Variants in FERMT1 observed in about 807,000 individuals in gnomAD.
FERMT1 encodes FERM domain containing kindlin 1.
Under a neutral mutation model 85.3 loss-of-function variants are expected in FERMT1, and 60 were observed. The observed-to-expected ratio is 0.70, with a 90% CI of 0.57 to 0.87. The LOEUF (loss-of-function observed/expected upper bound fraction) is 0.87, where lower values mean the gene tolerates loss of function less well. FERMT1 is among the 40% of genes least tolerant of loss of function. The pLI is 0.00. For synonymous variants in FERMT1, 275 were observed against 301.1 expected (o/e 0.91, Z 0.90); for missense variants, 701 against 818.9 (o/e 0.86, Z 1.76).
intron 9 of FERMT1, 80 bp from the exon 10 acceptor site, chr20:6,089,169 C>G: frequency 7.2e-7 from 1 of 1,398,508 alleles, no homozygotes; most frequent in Admixed American, 1.7e-5. Flanking sequence ...CAGATCAGAT[C>G]AGATGTTTGT....
intron 3 of FERMT1, among the ~76,000 whole-genome samples, chr20:6,113,687 G>A (rs1310298873): frequency 6.6e-6 from 1 of 152,208 alleles, no homozygotes; most frequent in Non-Finnish European, 1.5e-5. Flanking sequence ...AACCTTCAGT[G>A]ACTATCCAGG....
intron 6 of FERMT1, among the ~76,000 whole-genome samples, chr20:6,106,449 G>A (rs997592755): frequency 6.6e-5 from 10 of 152,146 alleles, no homozygotes; most frequent in Non-Finnish European, 1.5e-4. Context: ...GCTGACCAAG[G>A]CAAGCTCCTC....
Position 6,104,781 on chromosome 20 carries a change from A to T in FERMT1, c.849+2751T>A, listed in dbSNP as rs1454830678. Among the ~76,000 whole-genome samples the T allele has an allele frequency of 6.6e-6, 1 of 152,184 alleles. No homozygotes were observed. The highest frequency in any genetic ancestry group is 1.5e-5 in the Non-Finnish European group (1 of 68,024). Reference sequence around the variant, plus strand: ...GAGTACGATTCGTTTGATTTCTTCCACTTTTTAGACAAATACATATTTAAC... The same window carrying T: ...GAGTACGATTCGTTTGATTTCTTCCTCTTTTTAGACAAATACATATTTAAC... On this transcript the variant is annotated intron_variant, in intron 6 of 14. Coordinates refer to ENST00000217289, the MANE Select transcript of FERMT1 (RefSeq NM_017671.5). The surrounding 1 kb of genome is among the most constrained non-coding windows in gnomAD (Gnocchi z 4.2).
At position 6,097,595 on chromosome 20, in the gene FERMT1, C is replaced by T; in HGVS notation, c.886G>A (p.Ala296Thr). 6 of 1,614,022 alleles carry T rather than the reference C, an allele frequency of 3.7e-6. No homozygotes were observed. Among genetic ancestry groups the T allele is most frequent in the Non-Finnish European group, 5.1e-6 (6 of 1,179,954 alleles). The stretch of plus-strand genomic sequence containing the variant: ...TCTTCTAAGAGAATGGCCCACCTGG[C>T]TTGCTCATAGAGTTGGTTTATTCGG... The part of the protein sequence containing the change: ...AVRINQLYEQ[A>T]RWAILLEEID... Residue 296 changes from alanine to threonine, a missense_variant, in exon 7 of 15, where the codon GCC becomes ACC. By Grantham distance (58) the Ala-to-Thr change is moderately conservative (BLOSUM62 0). Coordinates refer to ENST00000217289, the MANE Select transcript of FERMT1 (RefSeq NM_017671.5).
intron 7 of FERMT1, among the ~76,000 whole-genome samples, chr20:6,097,236 C>T (rs985346383): frequency 1.3e-5 from 2 of 152,180 alleles, no homozygotes; most frequent in African/African-American, 4.8e-5. Flanking sequence ...TTACAACTGG[C>T]TCTTTCTCAT....
intron 9 of FERMT1, among the ~76,000 whole-genome samples, chr20:6,089,679 G>A (rs1982293558): frequency 6.6e-6 from 1 of 152,224 alleles, no homozygotes; most frequent in Admixed American, 6.5e-5. Context: ...AGAATTCTCA[G>A]TGAACCATGG....
intron 13 of FERMT1, among the ~76,000 whole-genome samples, chr20:6,081,465 C>T (rs907454831): frequency 1.1e-4 from 17 of 152,072 alleles, no homozygotes; most frequent in Non-Finnish European, 2.1e-4. Flanking sequence ...TCAAATGCTG[C>T]GGAGAGGGTA....
At position 6,089,006 on chromosome 20, in the gene FERMT1, T is replaced by C. The variant is rs1568656215; in HGVS notation, c.1223A>G (p.Glu408Gly). 6.2e-7 allele frequency: 1 copy of C among 1,612,244 alleles called. No homozygotes were observed. Among genetic ancestry groups the C allele is most frequent in the South Asian group, 1.1e-5 (1 of 91,038 alleles). The change falls in exon 10 of 15, where the codon GAA becomes GGA. Residue 408 changes from glutamate to glycine, a missense_variant. Glu to Gly is a moderately conservative substitution (Grantham distance 98). Transcript: ENST00000217289. ...DTSIAYFKNKELEQGEPLEKL... is the reference protein window; with the variant it reads ...DTSIAYFKNKGLEQGEPLEKL... The stretch of plus-strand genomic sequence containing the variant: ...TTCTAGTGGTTCTCCTTGTTCAAGT[T>C]CCTTATTTTTAAAGTATGCTATGGA...
At chr20:6,078,616 C>T (rs1324502378) in intron 14 of FERMT1, among the ~76,000 whole-genome samples, 3 of 151,486 alleles carry the variant, frequency 2.0e-5, no homozygotes, top group Non-Finnish European at 4.4e-5. Flanking sequence ...CACACCATCA[C>T]ACCTGGCTAG....
At chr20:6,096,388 A>G (rs959410287) in intron 8 of FERMT1, among the ~76,000 whole-genome samples, 5 of 152,282 alleles carry the variant, frequency 3.3e-5, no homozygotes, top group East Asian at 3.9e-4. Context: ...AGCCAGGCAC[A>G]GTAGTGTGTG....
intron 2 of FERMT1, among the ~76,000 whole-genome samples, chr20:6,116,664 G>C (rs1489737982): frequency 6.6e-6 from 1 of 150,704 alleles, no homozygotes; most frequent in East Asian, 1.9e-4. Flanking sequence ...GGGAAGTGGA[G>C]ATTGTAATGA....
chr20:6,087,631 T>C, intron 11 of FERMT1, 146 bp downstream of exon 11: 3 of 702,590 alleles, frequency 4.3e-6, no homozygotes, highest in South Asian at 2.9e-5. Flanking sequence ...TAGAATGTCA[T>C]TGTGATTTTG....
intron 13 of FERMT1, among the ~76,000 whole-genome samples, chr20:6,082,786 G>A (rs1005261912): frequency 4.6e-5 from 7 of 152,170 alleles, no homozygotes; most frequent in African/African-American, 1.7e-4. Context: ...CTCCTGAGTA[G>A]CTGGGACTAC....
rs1021743550 is a variant in FERMT1, at chr20:6,075,863, C to T, written c.*1310G>A. The T allele has an allele frequency of 6.6e-6, 1 of 152,356 alleles. No homozygotes were observed. The highest frequency in any genetic ancestry group is 2.4e-5 in the African/African-American group (1 of 41,448). The allele number at this position is 152,356 out of a possible 1,614,324, so 9.4% of individuals were successfully genotyped here. A position where few individuals can be genotyped will look rare whatever the true frequency, so the allele number is the denominator to read the frequency against. On this transcript the variant is annotated 3_prime_UTR_variant, in exon 15 of 15. Transcript: ENST00000217289. ...AAATATTGTCTGATATTTCCCTTTACTTCTGGTATTGCTTTTGACCTTCTC... is the reference window on the plus strand; with the variant it reads ...AAATATTGTCTGATATTTCCCTTTATTTCTGGTATTGCTTTTGACCTTCTC...
intron 2 of FERMT1, among the ~76,000 whole-genome samples, chr20:6,117,355 G>A (rs1212937680): frequency 1.3e-5 from 2 of 151,082 alleles, no homozygotes; most frequent in African/African-American, 4.9e-5. Context: ...TGCAACTTCT[G>A]CCTCCTGGGT....
chr20:6,109,638 G>T (rs1221944745), intron 5 of FERMT1, among the ~76,000 whole-genome samples: 2 of 152,188 alleles, frequency 1.3e-5, no homozygotes, highest in Non-Finnish European at 2.9e-5. Flanking sequence ...GGTGGCTCAT[G>T]CCTGTAATCC....
Position 6,110,481 on chromosome 20 carries a change from G to T in FERMT1, c.563C>A (p.Thr188Asn). 1 of 1,614,144 alleles carries T rather than the reference G, an allele frequency of 6.2e-7. No individual in the cohort carries two copies. The change falls in exon 5 of 15, where the codon ACC becomes AAC. Residue 188 changes from threonine to asparagine, a missense_variant. Physicochemically the swap from Thr to Asn is moderately conservative, Grantham distance 65. Transcript: ENST00000217289. Reference sequence around the variant, plus strand: ...TCCATTGATGGGGTCATATATAGGGGTCATGGTTTTACTGTATAAACCAGG... The same window carrying T: ...TCCATTGATGGGGTCATATATAGGGTTCATGGTTTTACTGTATAAACCAGG... ...VSPGLYSKTMTPIYDPINGTP... is the reference protein window; with the variant it reads ...VSPGLYSKTMNPIYDPINGTP...
intron 3 of FERMT1, among the ~76,000 whole-genome samples, chr20:6,114,722 G>A (rs574267355): frequency 6.6e-6 from 1 of 152,292 alleles, no homozygotes; most frequent in South Asian, 2.1e-4. Flanking sequence ...GGAATGCAGA[G>A]ATGCTCAGGA....
At chr20:6,109,769 C>T (rs772458479) in intron 5 of FERMT1, among the ~76,000 whole-genome samples, 5 of 151,992 alleles carry the variant, frequency 3.3e-5, no homozygotes, top group East Asian at 1.9e-4. Flanking sequence ...GGCATGGTGG[C>T]GCATGCCTGT....
Sources: gnomAD v4.1 joint callset for allele counts (sites outside exome capture counted in the v4.1 genomes callset) on GRCh38, gnomAD v4.1.1 for gene constraint, Gnocchi (gnomAD v3.1) non-coding constraint, MANE v1.5 for transcripts, NCBI Gene and HGNC (gene_info 2026-07-23, HGNC 2026-07-21) for gene names.